The following ATXN7 variants were observed in gnomAD, a reference collection of about 807,000 sequenced individuals.
The protein encoded by ATXN7 is ataxin-7.
A neutral mutation model predicts 70.5 loss-of-function variants in ATXN7; 12 were observed. That is an observed-to-expected ratio of 0.17 (90% CI 0.11 to 0.28). The LOEUF (loss-of-function observed/expected upper bound fraction) is 0.28, where lower values mean the gene tolerates loss of function less well. Among genes scored for constraint, ATXN7 ranks in the 10% least tolerant of loss-of-function variants. The pLI, the probability that ATXN7 is intolerant of heterozygous loss-of-function variation, is 1.00. For missense variants in ATXN7, 1,256 were observed against 1,131.7 expected, an observed-to-expected ratio of 1.11 and a Z score of -1.58; for synonymous variants, 498 against 448.7, an observed-to-expected ratio of 1.11 and a Z score of -1.39.
At position 64,002,571 on chromosome 3, in the gene ATXN7, A is replaced by C. The variant is rs1384753183; in HGVS notation, c.*3104A>C. The C allele has an allele frequency of 1.3e-5, 2 of 152,182 alleles. No homozygotes were observed. The highest frequency in any genetic ancestry group is 2.9e-5 in the Non-Finnish European group (2 of 68,044). The allele number at this position is 152,182 out of a possible 1,614,324, so 9.4% of individuals were successfully genotyped here. A position where few individuals can be genotyped will look rare whatever the true frequency, so the allele number is the denominator to read the frequency against. ...TACTATGTGATGTGGTTTAAAACTA[A>C]TGGAAAAAACTGAAAGTGCCTGAAA... On this transcript the variant is annotated 3_prime_UTR_variant, in exon 13 of 13. Coordinates refer to ENST00000674280, the MANE Select transcript of ATXN7 (RefSeq NM_001377405.1).
intron 11 of ATXN7, 38 bp from the exon 12 acceptor site, chr3:63,995,467 G>C: frequency 6.2e-7 from 1 of 1,608,014 alleles, no homozygotes; most frequent in South Asian, 1.1e-5. Context: ...GTGAATGGCT[G>C]TGGTCAGTGT....
intron 11 of ATXN7, among the ~76,000 whole-genome samples, chr3:63,993,275 ATTTT>A (rs556994956): frequency 6.0e-5 from 7 of 116,012 alleles, no homozygotes; most frequent in South Asian, 5.5e-4. Context: ...TTGTTGGTGT[ATTTT>A]TTTTTTTTTT....
intron 1 of ATXN7, among the ~76,000 whole-genome samples, chr3:63,894,896 A>G (rs1349869163): frequency 6.6e-6 from 1 of 152,144 alleles, no homozygotes; most frequent in East Asian, 1.9e-4. Flanking sequence ...TTACATATCT[A>G]GAATGGAGAG....
At position 63,915,723 on chromosome 3, in the gene ATXN7, C is replaced by G. The variant is rs528553451; in HGVS notation, c.394+2498C>G. Among the ~76,000 whole-genome samples, 34 of 151,280 alleles carry G rather than the reference C, an allele frequency of 2.2e-4. No individual in the cohort carries two copies. In the South Asian group the frequency reaches 5.0e-3, roughly 22 times the overall value. On this transcript the variant is annotated intron_variant, in intron 4 of 12. Coordinates refer to ENST00000674280, the MANE Select transcript of ATXN7 (RefSeq NM_001377405.1). ...TTTTGAGACGGTGTCTGACTGTTAC[C>G]CAGGCTGGAGTGCAGTGGCAAGTTC...
chr3:63,889,607 C>G (rs1703193468), intron 1 of ATXN7, among the ~76,000 whole-genome samples: 1 of 152,138 alleles, frequency 6.6e-6, no homozygotes, highest in East Asian at 1.9e-4. Flanking sequence ...ATTCTAGGAT[C>G]TATAGGAGGG....
At chr3:63,935,564 A>G (rs1383825546) in intron 4 of ATXN7, among the ~76,000 whole-genome samples, 3 of 152,188 alleles carry the variant, frequency 2.0e-5, no homozygotes, top group Non-Finnish European at 2.9e-5. Context: ...GGCAAAGGCT[A>G]TAATACTGTG....
intron 4 of ATXN7, among the ~76,000 whole-genome samples, chr3:63,951,126 G>A (rs539734211): frequency 7.9e-5 from 12 of 152,098 alleles, no homozygotes; most frequent in African/African-American, 1.9e-4. Context: ...GAAACTACTC[G>A]GTGCTGCAAG....
At chr3:63,990,923 C>A in intron 11 of ATXN7, 64 bp downstream of exon 11, 1 of 1,604,626 alleles carries the variant, frequency 6.2e-7, no homozygotes, top group East Asian at 2.2e-5. Context: ...TCTTTTATTT[C>A]CTGTGAGACT....
chr3:63,922,970 G>C (rs1017626467), intron 4 of ATXN7, among the ~76,000 whole-genome samples: 1 of 152,138 alleles, frequency 6.6e-6, no homozygotes, highest in African/African-American at 2.4e-5. Flanking sequence ...AATCACACTC[G>C]ATCAAGGACA....
At chr3:63,985,057 C>T (rs1416172260) in intron 8 of ATXN7, among the ~76,000 whole-genome samples, 2 of 152,160 alleles carry the variant, frequency 1.3e-5, no homozygotes, top group Non-Finnish European at 2.9e-5. Context: ...ATTGTTTCTA[C>T]ATCTTGTCTA....
intron 1 of ATXN7, among the ~76,000 whole-genome samples, chr3:63,884,814 T>C (rs1262019893): frequency 1.3e-5 from 2 of 150,862 alleles, no homozygotes; most frequent in African/African-American, 4.9e-5. Context: ...CATGCCCAGC[T>C]AATTTTTTTT....
At chr3:63,873,123 G>C (rs1333877250) in intron 1 of ATXN7, among the ~76,000 whole-genome samples, 1 of 152,082 alleles carries the variant, frequency 6.6e-6, no homozygotes, top group Non-Finnish European at 1.5e-5. Context: ...CCTTTTCAAT[G>C]TGAAATTCAT....
At chr3:63,927,248 C>CT (rs1205115571) in intron 4 of ATXN7, among the ~76,000 whole-genome samples, 3 of 152,284 alleles carry the variant, frequency 2.0e-5, no homozygotes, top group African/African-American at 7.2e-5. Flanking sequence ...ACATCACTCT[C>CT]TATATTGCTT....
chr3:63,982,858 G>T, intron 7 of ATXN7, 81 bp from the exon 8 acceptor site: 1 of 1,071,370 alleles, frequency 9.3e-7, no homozygotes, highest in South Asian at 1.3e-5. Flanking sequence ...TCTAACTGTT[G>T]ATTTCTTCTA....
At position 63,939,150 on chromosome 3, in the gene ATXN7, T is replaced by G. The variant is rs1326588939; in HGVS notation, c.395-13229T>G. 2.0e-5 allele frequency among the ~76,000 whole-genome samples: 3 copies of G among 152,128 alleles called. No homozygotes were observed. The East Asian group carries it at 5.8e-4, about 29-fold the overall frequency. On this transcript the variant is annotated intron_variant, in intron 4 of 12. Coordinates refer to ENST00000674280, the MANE Select transcript of ATXN7 (RefSeq NM_001377405.1). ...TTAGAACTTAGATGTCCCACATATA[T>G]GGGCTTCATTCTCAGACCTGGCATT...
At chr3:63,989,360 A>AACTC (rs2075629858) in intron 9 of ATXN7, among the ~76,000 whole-genome samples, 1 of 152,230 alleles carries the variant, frequency 6.6e-6, no homozygotes, top group Admixed American at 6.5e-5. Context: ...CCCTTGAGTA[A>AACTC]GAGGCTGTAG....
intron 4 of ATXN7, among the ~76,000 whole-genome samples, chr3:63,934,391 A>T (rs2074619332): frequency 1.3e-5 from 2 of 152,086 alleles, no homozygotes; most frequent in Admixed American, 6.6e-5. Flanking sequence ...GTTTATGCTT[A>T]TGGGAACCAC....
chr3:63,962,104 C>T (rs1193957764), intron 5 of ATXN7, among the ~76,000 whole-genome samples: 1 of 152,138 alleles, frequency 6.6e-6, no homozygotes, highest in Non-Finnish European at 1.5e-5. Flanking sequence ...ATAAAACAGA[C>T]TGGTTTGGGA....
intron 2 of ATXN7, among the ~76,000 whole-genome samples, chr3:63,903,551 C>G (rs1253884898): frequency 3.9e-5 from 6 of 152,116 alleles, no homozygotes; most frequent in Admixed American, 1.3e-4. Flanking sequence ...AAGTAACGGC[C>G]ACATACCTCT....
Sources: gnomAD v4.1 joint callset for allele counts (sites outside exome capture counted in the v4.1 genomes callset) on GRCh38, gnomAD v4.1.1 for gene constraint, MANE v1.5 for transcripts, NCBI Gene and HGNC (gene_info 2026-07-23, HGNC 2026-07-21) for gene names.